Variants in ALK observed in about 807,000 individuals in gnomAD.
ALK encodes ALK receptor tyrosine kinase, also known as ALK tyrosine kinase receptor.
A neutral mutation model predicts 163.1 loss-of-function variants in ALK; 74 were observed. That is an observed-to-expected ratio of 0.45 (90% CI 0.38 to 0.55). ALK has a LOEUF of 0.55. Among genes scored for constraint, ALK ranks in the 20% least tolerant of loss-of-function variants. ALK has a pLI of 0.00. For synonymous variants in ALK, 960 were observed against 843.2 expected (o/e 1.14, Z -2.40); for missense variants, 2,063 against 2,105.3 (o/e 0.98, Z 0.39).
At chr2:29,359,833 C>T (rs1302995854) in intron 5 of ALK, among the ~76,000 whole-genome samples, 1 of 152,220 alleles carries the variant, frequency 6.6e-6, no homozygotes, top group Non-Finnish European at 1.5e-5. Flanking sequence ...CCACCTAACA[C>T]AGTTAAGCAG....
chr2:29,204,214 G>A (rs983079067), intron 26 of ALK, among the ~76,000 whole-genome samples: 2 of 152,134 alleles, frequency 1.3e-5, no homozygotes, highest in Non-Finnish European at 2.9e-5. Context: ...TGCGATACAC[G>A]TGTTACAATT....
chr2:29,523,858 G>GTCTTTTT lies in ALK; in HGVS notation c.1154+8056_1154+8057insAAAAAGA, dbSNP rs1672879628. ...AGGTCAGAACTGGCAGAAGCTGAAG[G>GTCTTTTT]TTTTTTTTTTTTTTTTTTTTTTTTT... On this transcript the variant is annotated intron_variant, in intron 4 of 28. Transcript: ENST00000389048. 1.3e-4 allele frequency among the ~76,000 whole-genome samples: 14 copies of GTCTTTTT among 110,950 alleles called. 5 individuals carry two copies. The highest frequency in any genetic ancestry group is 8.8e-5 in the Non-Finnish European group (5 of 56,738). The allele number at this position is 110,950 out of a possible 152,430, so 72.8% of individuals were successfully genotyped here.
chr2:29,264,223 C>A (rs1001949672), intron 11 of ALK, among the ~76,000 whole-genome samples: 9 of 152,238 alleles, frequency 5.9e-5, no homozygotes, highest in Non-Finnish European at 4.4e-5. Context: ...GCCTTCAGAG[C>A]TTTGGGTGTT....
rs112571684 is a variant in ALK, at chr2:29,476,531, C to T, written c.1154+55384G>A. 3.4e-3 allele frequency among the ~76,000 whole-genome samples: 522 copies of T among 152,154 alleles called. 5 individuals carry two copies. Among genetic ancestry groups the T allele is most frequent in the African/African-American group, 0.012 (505 of 41,504 alleles). On this transcript the variant is annotated intron_variant, in intron 4 of 28. Coordinates refer to ENST00000389048, the MANE Select transcript of ALK (RefSeq NM_004304.5). ...GTGTTTAGGTATATGGAAAAAAACT[C>T]CGTGTACCCACAGGCCCCGTGCCTG... is the stretch of plus-strand genomic sequence containing the variant.
rs1667891805 is a variant in ALK at position 29,344,531 on chromosome 2, C to A, written c.1283-16050G>T. On this transcript the variant is annotated intron_variant, in intron 5 of 28. Coordinates refer to ENST00000389048, the MANE Select transcript of ALK (RefSeq NM_004304.5). Reference sequence around the variant, plus strand: ...GCGATAGTCCCAGTTGAGCTCAGCCCTCCTGCCATCATTTTCAAGGCAGCA... The same window carrying A: ...GCGATAGTCCCAGTTGAGCTCAGCCATCCTGCCATCATTTTCAAGGCAGCA... Among the ~76,000 whole-genome samples, 8 of 152,174 alleles carry A rather than the reference C, an allele frequency of 5.3e-5. 1 individual carries two copies. The South Asian group carries it at 1.5e-3, about 28-fold the overall frequency.
intron 9 of ALK, among the ~76,000 whole-genome samples, chr2:29,279,862 C>A (rs955179501): frequency 6.6e-6 from 1 of 152,308 alleles, no homozygotes; most frequent in Non-Finnish European, 1.5e-5. Context: ...ACTAGCTGGG[C>A]CACTTTGGGA....
rs568308058 is a variant in ALK, at chr2:29,265,179, C to T, written c.2041+9920G>A. On this transcript the variant is annotated intron_variant, in intron 11 of 28. Coordinates refer to ENST00000389048, the MANE Select transcript of ALK (RefSeq NM_004304.5). The stretch of plus-strand genomic sequence containing the variant: ...AGATTACAGGCACATACCACCACAC[C>T]GGCTAATTTTTGTATTTCTGTAGAG... Among the ~76,000 whole-genome samples, 11 of 152,038 alleles carry T rather than the reference C, an allele frequency of 7.2e-5. No homozygotes were observed. In the East Asian group the frequency reaches 1.2e-3, roughly 16 times the overall value.
intron 3 of ALK, among the ~76,000 whole-genome samples, chr2:29,576,427 C>A (rs1257065655): frequency 1.3e-5 from 2 of 152,224 alleles, no homozygotes; most frequent in Non-Finnish European, 2.9e-5. Flanking sequence ...GCTAACTTGG[C>A]AAATGCCCTC....
chr2:29,748,462 T>C (rs1344823654), intron 1 of ALK, among the ~76,000 whole-genome samples: 2 of 152,212 alleles, frequency 1.3e-5, no homozygotes, highest in Non-Finnish European at 2.9e-5. Flanking sequence ...TCTGATTAAG[T>C]GTCTGGGGTG....
At chr2:29,452,323 G>GTTTTTTTTTTTTTTTTTTTTTTTTT (rs1221437780) in intron 4 of ALK, among the ~76,000 whole-genome samples, 1 of 79,496 alleles carries the variant, frequency 1.3e-5, no homozygotes, top group Admixed American at 1.3e-4. Flanking sequence ...TCTCACTCAA[G>GTTTTTTTTTTTTTTTTTTTTTTTTT]TTTTTTTTGT....
rs117820039 is a variant in ALK at position 29,685,045 on chromosome 2, A to G, written c.952+9805T>C. Reference sequence around the variant, plus strand: ...TAGTTCATCTTCGATTATCATCTACAACTTAGAAATACCTATCTTGCTATA... The same window carrying G: ...TAGTTCATCTTCGATTATCATCTACGACTTAGAAATACCTATCTTGCTATA... On this transcript the variant is annotated intron_variant, in intron 3 of 28. Coordinates refer to ENST00000389048, the MANE Select transcript of ALK (RefSeq NM_004304.5). 1.2e-3 allele frequency among the ~76,000 whole-genome samples: 180 copies of G among 152,328 alleles called. 3 individuals are homozygous for G. In the East Asian group the frequency reaches 0.031, roughly 26 times the overall value.
chr2:29,573,061 G>A (rs905218875), intron 3 of ALK, among the ~76,000 whole-genome samples: 3 of 152,202 alleles, frequency 2.0e-5, no homozygotes, highest in Non-Finnish European at 2.9e-5. Context: ...GTAAGCTGCA[G>A]GGAAACTAGG....
intron 1 of ALK, among the ~76,000 whole-genome samples, chr2:29,858,111 A>G (rs1346164527): frequency 1.3e-5 from 2 of 152,012 alleles, no homozygotes; most frequent in Admixed American, 1.3e-4. Flanking sequence ...CAATTTTATC[A>G]CACGCATTAG....
At chr2:29,371,100 G>A (rs1054979759) in intron 5 of ALK, among the ~76,000 whole-genome samples, 2 of 152,204 alleles carry the variant, frequency 1.3e-5, no homozygotes, top group East Asian at 1.9e-4. Flanking sequence ...AGGGATCTCC[G>A]AGACCATTTG....
chr2:29,699,718 G>C (rs956030600), intron 2 of ALK, among the ~76,000 whole-genome samples: 1 of 152,300 alleles, frequency 6.6e-6, no homozygotes, highest in Non-Finnish European at 1.5e-5. Context: ...TTTAACCCAA[G>C]AGAATCTGAC....
chr2:29,516,817 T>G (rs1672679620), intron 4 of ALK, among the ~76,000 whole-genome samples: 1 of 152,266 alleles, frequency 6.6e-6, no homozygotes, highest in Non-Finnish European at 1.5e-5. Flanking sequence ...ATAAACGTGG[T>G]AGCTGTTGTT....
intron 3 of ALK, among the ~76,000 whole-genome samples, chr2:29,589,527 C>A (rs1372905182): frequency 1.3e-5 from 2 of 152,194 alleles, no homozygotes; most frequent in African/African-American, 4.8e-5. Flanking sequence ...TTATGAACAG[C>A]AGAGCTAGAA....
At chr2:29,902,494 C>T (rs191756174) in intron 1 of ALK, among the ~76,000 whole-genome samples, 7 of 152,196 alleles carry the variant, frequency 4.6e-5, no homozygotes, top group African/African-American at 1.7e-4. Flanking sequence ...TCCTAAAATG[C>T]TATTTACATC....
intron 1 of ALK, among the ~76,000 whole-genome samples, chr2:29,793,635 T>TA (rs58772507): frequency 0.056 from 8,516 of 152,182 alleles, 583 homozygotes; most frequent in African/African-American, 0.16. Context: ...TTAGTAGGCA[T>TA]AAAAAAATTA....
Sources: allele counts gnomAD v4.1 joint callset (sites outside exome capture counted in the v4.1 genomes callset), GRCh38; gene constraint gnomAD v4.1.1; transcripts MANE v1.5; gene names NCBI Gene and HGNC (gene_info 2026-07-23, HGNC 2026-07-21).